The following PCCA variants were observed in gnomAD, a reference collection of about 807,000 sequenced individuals.
PCCA encodes the protein propionyl-CoA carboxylase subunit alpha.
Under a neutral mutation model 101.3 loss-of-function variants are expected in PCCA, and 74 were observed. The ratio of observed to expected loss-of-function variants is 0.73; its 90% confidence interval spans 0.61 to 0.89. The LOEUF (loss-of-function observed/expected upper bound fraction) is 0.89, where lower values mean the gene tolerates loss of function less well. Among genes scored for constraint, PCCA ranks in the 40% least tolerant of loss-of-function variants. The probability of loss-of-function intolerance (pLI) is 0.00; values close to 1 mark genes in which losing one functional copy is unlikely to be tolerated. For missense variants in PCCA, 891 were observed against 907.0 expected (o/e 0.98, Z 0.23); for synonymous variants, 294 against 313.6 (o/e 0.94, Z 0.66).
intron 8 of PCCA, among the ~76,000 whole-genome samples, chr13:100,255,277 C>A (rs1352104788): frequency 6.6e-6 from 1 of 152,152 alleles, no homozygotes; most frequent in Non-Finnish European, 1.5e-5. Context: ...GACTTCCCAC[C>A]TTTTCTGAGC....
chr13:100,258,468 G>A (rs1333068421), intron 9 of PCCA, among the ~76,000 whole-genome samples: 7 of 152,214 alleles, frequency 4.6e-5, no homozygotes, highest in East Asian at 1.9e-4. Context: ...TGCAAGAGAT[G>A]TGTATTTTGT....
chr13:100,407,246 G>T lies in PCCA; in HGVS notation c.1747-18387G>T, dbSNP rs891273231. On this transcript the variant is annotated intron_variant, in intron 19 of 23. Coordinates refer to ENST00000376285, the MANE Select transcript of PCCA (RefSeq NM_000282.4). ...TTGAACATCATTTTGGCAATCCCAT[G>T]TAAACTAAACATGTTAAATAATCCT... Among the ~76,000 whole-genome samples the T allele has an allele frequency of 1.5e-3, 227 of 152,298 alleles. 2 individuals are homozygous for T. The highest frequency in any genetic ancestry group is 5.2e-3 in the African/African-American group (216 of 41,568).
At chr13:100,403,844 A>G (rs1268832821) in intron 19 of PCCA, among the ~76,000 whole-genome samples, 2 of 152,160 alleles carry the variant, frequency 1.3e-5, no homozygotes, top group Non-Finnish European at 2.9e-5. Flanking sequence ...TCCCTGCTGC[A>G]AACACTGCGA....
chr13:100,246,649 C>T (rs889306481), intron 8 of PCCA, among the ~76,000 whole-genome samples: 2 of 150,926 alleles, frequency 1.3e-5, no homozygotes, highest in South Asian at 4.2e-4. Flanking sequence ...TTCTAAATAA[C>T]TGAAAAAAAA....
chr13:100,303,105 T>G (rs2066190857), intron 14 of PCCA, 107 bp downstream of exon 14: 1 of 786,550 alleles, frequency 1.3e-6, no homozygotes, highest in Admixed American at 1.8e-5. Context: ...GAAGGACAAG[T>G]GAAATTCATG....
chr13:100,163,322 G>A (rs866028445), intron 6 of PCCA, among the ~76,000 whole-genome samples: 25 of 152,280 alleles, frequency 1.6e-4, no homozygotes, highest in Non-Finnish European at 2.6e-4. Context: ...GAGTCAGAAT[G>A]ACAGCTAAAT....
intron 6 of PCCA, among the ~76,000 whole-genome samples, chr13:100,208,531 A>T (rs963890149): frequency 3.3e-5 from 5 of 152,260 alleles, no homozygotes; most frequent in Admixed American, 2.6e-4. Flanking sequence ...TAATGACTTC[A>T]TCCTTTATCT....
intron 6 of PCCA, among the ~76,000 whole-genome samples, chr13:100,174,281 G>A (rs1031861285): frequency 3.1e-4 from 47 of 151,944 alleles, no homozygotes; most frequent in Admixed American, 2.9e-3. Context: ...TCTTTTTTAC[G>A]AAGCCCTGAG....
chr13:100,211,896 A>C (rs1299957212), intron 7 of PCCA, among the ~76,000 whole-genome samples: 1 of 152,070 alleles, frequency 6.6e-6, no homozygotes, highest in Admixed American at 6.6e-5. Flanking sequence ...GTGTGCCACC[A>C]CAGCTGCCTA....
intron 19 of PCCA, among the ~76,000 whole-genome samples, chr13:100,384,811 C>T (rs935019151): frequency 6.6e-6 from 1 of 151,982 alleles, no homozygotes; most frequent in African/African-American, 2.4e-5. Flanking sequence ...ACAGAGAAGG[C>T]AGACAGAAAA....
At chr13:100,271,533 A>C (rs2063316444) in intron 11 of PCCA, among the ~76,000 whole-genome samples, 1 of 152,222 alleles carries the variant, frequency 6.6e-6, no homozygotes, top group African/African-American at 2.4e-5. Context: ...ATAAGACAGT[A>C]AAATGACCAG....
At chr13:100,216,884 G>C (rs563645643) in intron 7 of PCCA, among the ~76,000 whole-genome samples, 2 of 151,994 alleles carry the variant, frequency 1.3e-5, no homozygotes, top group Non-Finnish European at 2.9e-5. Flanking sequence ...CGAGGTGGGC[G>C]GATCACCTGA....
At chr13:100,321,061 T>C (rs2067982696) in intron 16 of PCCA, among the ~76,000 whole-genome samples, 2 of 152,210 alleles carry the variant, frequency 1.3e-5, no homozygotes, top group African/African-American at 4.8e-5. Context: ...ACCATAGCCT[T>C]AGCTACTTAT....
chr13:100,360,704 A>G (rs1186700016), intron 18 of PCCA, among the ~76,000 whole-genome samples: 1 of 152,194 alleles, frequency 6.6e-6, no homozygotes, highest in Non-Finnish European at 1.5e-5. Context: ...GCTCTCATGC[A>G]TTGCTGGTGG....
rs995981949 is a variant in PCCA, at chr13:100,506,295, T to A, written c.1900-9132T>A. On this transcript the variant is annotated intron_variant, in intron 21 of 23. Transcript: ENST00000376285. ...TCCTTGGCTCAGCGTCTAGGATGTG[T>A]CAGAACTGTAAACCCCAAGATTCTT... 3.4e-5 allele frequency among the ~76,000 whole-genome samples: 5 copies of A among 147,056 alleles called. No individual in the cohort carries two copies. In the East Asian group the frequency reaches 8.3e-4, roughly 25 times the overall value.
At chr13:100,484,182 A>T (rs2084178454) in intron 21 of PCCA, among the ~76,000 whole-genome samples, 1 of 152,046 alleles carries the variant, frequency 6.6e-6, no homozygotes, top group African/African-American at 2.4e-5. Flanking sequence ...GTATGACTAT[A>T]AGTAGCTCAT....
intron 2 of PCCA, among the ~76,000 whole-genome samples, chr13:100,108,812 A>G (rs1049496760): frequency 1.3e-5 from 2 of 152,198 alleles, no homozygotes; most frequent in African/African-American, 2.4e-5. Flanking sequence ...TATATAGGAG[A>G]CCAGTAACAG....
chr13:100,502,364 C>T (rs2085747427), intron 21 of PCCA, among the ~76,000 whole-genome samples: 1 of 152,156 alleles, frequency 6.6e-6, no homozygotes, highest in Admixed American at 6.5e-5. Context: ...CCCACCTCAC[C>T]CTGGCTGTGT....
chr13:100,502,613 C>T (rs2085762446), intron 21 of PCCA, among the ~76,000 whole-genome samples: 2 of 152,218 alleles, frequency 1.3e-5, no homozygotes, highest in Non-Finnish European at 2.9e-5. Context: ...ACTTCTGTGA[C>T]TAAAGCTTTT....
Sources: gnomAD v4.1 joint callset for allele counts (sites outside exome capture counted in the v4.1 genomes callset) on GRCh38, gnomAD v4.1.1 for gene constraint, MANE v1.5 for transcripts, NCBI Gene and HGNC (gene_info 2026-07-23, HGNC 2026-07-21) for gene names.